CUX1: variants seen among roughly 807,000 people sequenced by gnomAD.
The protein encoded by CUX1 is protein CASP.
CUX1 carries 31 observed loss-of-function variants against 158.8 expected under a neutral mutation model. The ratio of observed to expected loss-of-function variants is 0.20; its 90% CI spans 0.15 to 0.26. The LOEUF (loss-of-function observed/expected upper bound fraction) is 0.26. Among genes scored for constraint, CUX1 ranks in the 10% least tolerant of loss-of-function variants. CUX1 has a pLI of 1.00. For synonymous variants in CUX1, 879 were observed against 862.1 expected (o/e 1.02, Z -0.34); for missense variants, 1,589 against 2,014.6 (o/e 0.79, Z 4.04).
chr7:102,282,918 C>A, intron 22 of CUX1: 1 of 811,500 alleles, frequency 1.2e-6, no homozygotes, highest in Non-Finnish European at 2.0e-6. Flanking sequence ...CCTACCCCTA[C>A]TCCCGGTATC....
At chr7:102,213,870 C>T (rs997663695) in intron 20 of CUX1, among the ~76,000 whole-genome samples, 2 of 152,172 alleles carry the variant, frequency 1.3e-5, no homozygotes, top group East Asian at 3.9e-4. Flanking sequence ...CAGTGGCTCA[C>T]ACCTGTAATC....
chr7:101,990,081 G>A (rs569618010), intron 2 of CUX1, among the ~76,000 whole-genome samples: 8 of 152,282 alleles, frequency 5.3e-5, no homozygotes, highest in African/African-American at 9.6e-5. Context: ...AGGCATGGGC[G>A]GGTGCAGTGG....
intron 21 of CUX1, among the ~76,000 whole-genome samples, chr7:102,233,208 C>T (rs1224397885): frequency 8.4e-6 from 1 of 118,828 alleles, no homozygotes; most frequent in Non-Finnish European, 1.7e-5. Context: ...TTTGAGACAA[C>T]GGTCTCTCTC....
intron 2 of CUX1, among the ~76,000 whole-genome samples, chr7:101,959,238 AGTGTGTGTGTGTGTGTGTGT>A (rs55733311): frequency 1.4e-5 from 2 of 145,704 alleles, no homozygotes; most frequent in African/African-American, 2.5e-5. Flanking sequence ...ATGTGTGTGC[AGTGTGTGTGTGTGTGTGTGT>A]GTGTGTGTGT....
Position 102,250,630 on chromosome 7 carries a change from A to C in CUX1, c.*1588A>C. On this transcript the variant is annotated 3_prime_UTR_variant, in exon 24 of 24. Coordinates refer to ENST00000292535, the MANE Select transcript of CUX1 (RefSeq NM_181552.4). ...AAAACGTGGATGCTCTTCAACTTCC[A>C]AACCTACCATTTGCCCTTCTTTCAT... is the stretch of plus-strand genomic sequence containing the variant. 7 of 985,444 alleles carry C rather than the reference A, an allele frequency of 7.1e-6. No individual in the cohort carries two copies. Among genetic ancestry groups the C allele is most frequent in the Non-Finnish European group, 7.2e-6 (6 of 829,936 alleles). 61.0% of individuals were successfully genotyped at this position (985,444 alleles called of 1,614,324 possible). A position where few individuals can be genotyped will look rare whatever the true frequency, so the allele number is the denominator to read the frequency against.
intron 20 of CUX1, among the ~76,000 whole-genome samples, chr7:102,223,367 T>A (rs1387031441): frequency 6.6e-6 from 1 of 152,136 alleles, no homozygotes; most frequent in Admixed American, 6.5e-5. Context: ...TCAGGCATTG[T>A]GGGAGAAATA....
chr7:101,883,306 A>G (rs1753593356), intron 1 of CUX1, among the ~76,000 whole-genome samples: 1 of 152,146 alleles, frequency 6.6e-6, no homozygotes, highest in Admixed American at 6.5e-5. Context: ...CCTGCCAGTG[A>G]TTTCTGTTTA....
chr7:101,843,498 C>T (rs1470618786), intron 1 of CUX1, among the ~76,000 whole-genome samples: 1 of 151,832 alleles, frequency 6.6e-6, no homozygotes, highest in Admixed American at 6.6e-5. Context: ...CTATTTTATT[C>T]TTCTAGAGCT....
Position 101,821,857 on chromosome 7 carries a change from G to GTT in CUX1, c.30+4202_30+4203dup, listed in dbSNP as rs58248170. 3.6e-3 allele frequency among the ~76,000 whole-genome samples: 298 copies of GTT among 83,404 alleles called. 3 individuals carry two copies. Among genetic ancestry groups the GTT allele is most frequent in the African/African-American group, 0.012 (262 of 22,342 alleles). 54.7% of individuals were successfully genotyped at this position (83,404 alleles called of 152,430 possible). On this transcript the variant is annotated intron_variant, in intron 1 of 23. Coordinates refer to ENST00000292535, the MANE Select transcript of CUX1 (RefSeq NM_181552.4). Reference sequence around the variant, plus strand: ...GCCTGGCTAGTTTTTTTGTTTTTTTGTTTTTTTTTTTTTTTGAGATGTAGT... The same window carrying GTT: ...GCCTGGCTAGTTTTTTTGTTTTTTTGTTTTTTTTTTTTTTTTTGAGATGTAGT...
At chr7:102,125,752 A>AATATAC (rs1245861067) in intron 8 of CUX1, 3 of 150,880 alleles carry the variant, frequency 2.0e-5, no homozygotes, top group Non-Finnish European at 4.4e-5. Flanking sequence ...CATGTTTATG[A>AATATAC]ATATACATAA....
chr7:101,919,359 G>C (rs772580876), intron 2 of CUX1, among the ~76,000 whole-genome samples: 4 of 152,218 alleles, frequency 2.6e-5, no homozygotes, highest in Admixed American at 6.5e-5. Flanking sequence ...GACACTGGTT[G>C]CTCCTCTGGC....
chr7:101,860,980 A>AT (rs1383535308), intron 1 of CUX1, among the ~76,000 whole-genome samples: 2 of 151,976 alleles, frequency 1.3e-5, no homozygotes, highest in East Asian at 1.9e-4. Context: ...TAATTTTTAA[A>AT]TTTTTTGTAG....
chr7:101,979,971 G>GT (rs1409605485), intron 2 of CUX1, among the ~76,000 whole-genome samples: 1 of 152,042 alleles, frequency 6.6e-6, no homozygotes, highest in Non-Finnish European at 1.5e-5. Flanking sequence ...TTATTTCTTC[G>GT]TCTGTTATTC....
At chr7:102,240,956 G>C (rs1800139107) in intron 23 of CUX1, among the ~76,000 whole-genome samples, 1 of 152,104 alleles carries the variant, frequency 6.6e-6, no homozygotes, top group Non-Finnish European at 1.5e-5. Flanking sequence ...GAGTGGCTGA[G>C]ACTACAGGTG....
intron 1 of CUX1, among the ~76,000 whole-genome samples, chr7:101,868,864 G>A (rs887802060): frequency 1.3e-5 from 2 of 152,180 alleles, no homozygotes; most frequent in Non-Finnish European, 1.5e-5. Context: ...GGGACAGAAC[G>A]GGAGCAAGAG....
At chr7:102,219,764 C>T (rs1432419100) in intron 20 of CUX1, among the ~76,000 whole-genome samples, 1 of 152,156 alleles carries the variant, frequency 6.6e-6, no homozygotes, top group East Asian at 1.9e-4. Flanking sequence ...CTGCTAAAGT[C>T]GCTGCATATT....
At chr7:101,824,863 GT>G (rs1793079309) in intron 1 of CUX1, 2 of 152,124 alleles carry the variant, frequency 1.3e-5, no homozygotes, top group Admixed American at 1.3e-4. Context: ...TTTTGATGAG[GT>G]TTGGAAAAGA....
intron 2 of CUX1, among the ~76,000 whole-genome samples, chr7:102,022,552 C>T (rs1390591358): frequency 4.0e-5 from 6 of 150,396 alleles, no homozygotes; most frequent in Non-Finnish European, 7.4e-5. Context: ...CGGGAGGTCA[C>T]GACTGCAGTG....
At chr7:102,096,356 A>T (rs1829187802) in intron 4 of CUX1, among the ~76,000 whole-genome samples, 1 of 141,844 alleles carries the variant, frequency 7.1e-6, no homozygotes, top group Non-Finnish European at 1.5e-5. Context: ...GGGTGGCTTT[A>T]TAAAGCCTAA....
Sources: allele counts gnomAD v4.1 joint callset (sites outside exome capture counted in the v4.1 genomes callset), GRCh38; gene constraint gnomAD v4.1.1; transcripts MANE v1.5; gene names NCBI Gene and HGNC (gene_info 2026-07-23, HGNC 2026-07-21).